Variants in ARAP2 observed in about 807,000 individuals in gnomAD.
The protein encoded by ARAP2 is ArfGAP with RhoGAP domain, ankyrin repeat and PH domain 2.
A neutral mutation model predicts 194.5 loss-of-function variants in ARAP2; 148 were observed. The observed-to-expected ratio is 0.76, with a 90% CI of 0.67 to 0.87. The LOEUF (loss-of-function observed/expected upper bound fraction) is 0.87, where lower values mean the gene tolerates loss of function less well. Among genes scored for constraint, ARAP2 ranks in the 40% least tolerant of loss-of-function variants. The pLI is 0.00. For missense variants in ARAP2, 2,128 were observed against 1,989.7 expected (o/e 1.07, Z -1.32); for synonymous variants, 695 against 683.5 (o/e 1.02, Z -0.26).
chr4:36,009,515 G>A (rs1432547189), intron 9 of ARAP2, among the ~76,000 whole-genome samples: 1 of 152,074 alleles, frequency 6.6e-6, no homozygotes, highest in East Asian at 1.9e-4. Flanking sequence ...GGCAATACAA[G>A]AGGGGGGATA....
chr4:36,193,840 T>G (rs1386866651), intron 6 of ARAP2, among the ~76,000 whole-genome samples, 193 bp from the exon 7 acceptor site: 2 of 152,186 alleles, frequency 1.3e-5, no homozygotes, highest in African/African-American at 4.8e-5. Flanking sequence ...TTCTAATCAG[T>G]TGACCTAGGA....
chr4:36,208,712 C>T (rs1210617884), intron 6 of ARAP2, among the ~76,000 whole-genome samples: 1 of 152,094 alleles, frequency 6.6e-6, no homozygotes, highest in African/African-American at 2.4e-5. Flanking sequence ...GCCAGCTACA[C>T]ATATTTCTTT....
intron 3 of ARAP2, among the ~76,000 whole-genome samples, chr4:36,213,950 G>C (rs528877382): frequency 6.6e-6 from 1 of 152,210 alleles, no homozygotes; most frequent in East Asian, 1.9e-4. Flanking sequence ...CAGTACCCAA[G>C]TGTTTGACAT....
At chr4:36,062,305 G>T, downstream of ARAP2, among the ~76,000 whole-genome samples, 1 of 152,256 alleles carries the variant, frequency 6.6e-6, no homozygotes, top group South Asian at 2.1e-4. Context: ...ATTCAAGACC[G>T]TATTTTCTAC....
chr4:36,202,257 G>A (rs994104508), intron 6 of ARAP2, among the ~76,000 whole-genome samples: 1 of 151,878 alleles, frequency 6.6e-6, no homozygotes, highest in African/African-American at 2.4e-5. Context: ...ACTTTTAAAC[G>A]ATACAGTAAC....
At chr4:36,186,227 A>G (rs542046623) in intron 8 of ARAP2, among the ~76,000 whole-genome samples, 29 of 152,368 alleles carry the variant, frequency 1.9e-4, no homozygotes, top group African/African-American at 7.0e-4. Flanking sequence ...TATCTAAATT[A>G]TTAAAACCAG....
At chr4:36,227,577 C>G (rs1750613113) in intron 2 of ARAP2, among the ~76,000 whole-genome samples, 1 of 152,044 alleles carries the variant, frequency 6.6e-6, no homozygotes, top group Non-Finnish European at 1.5e-5. Context: ...TACCTAAGGC[C>G]AAGAGAATCA....
chr4:36,084,436 A>T (rs1321510293), intron 28 of ARAP2, among the ~76,000 whole-genome samples: 3 of 152,070 alleles, frequency 2.0e-5, no homozygotes, highest in African/African-American at 7.2e-5. Context: ...TTTGGGTCAG[A>T]TTTTGCCACC....
intron 2 of ARAP2, 111 bp downstream of exon 2, chr4:36,228,471 G>T: frequency 8.6e-7 from 1 of 1,166,150 alleles, no homozygotes; most frequent in Non-Finnish European, 1.2e-6. Context: ...TGGTTGAATA[G>T]GTAAATGAAT....
chr4:36,113,537 C>T (rs1560457667), intron 26 of ARAP2, among the ~76,000 whole-genome samples: 1 of 151,880 alleles, frequency 6.6e-6, no homozygotes, highest in Admixed American at 6.6e-5. Context: ...TCCAAAGTGT[C>T]CCAAGACCTT....
intron 19 of ARAP2, among the ~76,000 whole-genome samples, chr4:36,136,820 C>T (rs73809122): frequency 0.029 from 1,257 of 43,796 alleles, 8 homozygotes; most frequent in East Asian, 0.077. Context: ...TGTGTGTGTG[C>T]GTGTCTGTGT....
chr4:36,242,507 T>C (rs1294170401), intron 1 of ARAP2, among the ~76,000 whole-genome samples: 1 of 152,190 alleles, frequency 6.6e-6, no homozygotes, highest in Non-Finnish European at 1.5e-5. Context: ...ATGAAGTCTA[T>C]AACCCAGAAT....
intron 2 of ARAP2, 47 bp downstream of exon 2, chr4:36,228,535 G>T: frequency 6.7e-7 from 1 of 1,496,516 alleles, no homozygotes; most frequent in East Asian, 2.3e-5. Flanking sequence ...AAAAATCACT[G>T]AATTTCCTCA....
intron 5 of ARAP2, among the ~76,000 whole-genome samples, chr4:36,029,444 T>C (rs1041478516): frequency 6.6e-6 from 1 of 152,040 alleles, no homozygotes; most frequent in Non-Finnish European, 1.5e-5. Flanking sequence ...TTCATTTTGT[T>C]ATACATTTGT....
At chr4:36,074,488 A>C (rs1727783334) in intron 31 of ARAP2, among the ~76,000 whole-genome samples, 1 of 152,076 alleles carries the variant, frequency 6.6e-6, no homozygotes. Flanking sequence ...AAATGTTCAC[A>C]GGTAAAAATA....
At chr4:36,138,929 C>T (rs1727515315) in intron 19 of ARAP2, among the ~76,000 whole-genome samples, 1 of 151,650 alleles carries the variant, frequency 6.6e-6, no homozygotes. Context: ...TTCTCTGGTA[C>T]TTAACTTTAC....
At chr4:36,118,902 A>G (rs1722037424) in intron 24 of ARAP2, among the ~76,000 whole-genome samples, 1 of 151,426 alleles carries the variant, frequency 6.6e-6, no homozygotes, top group Non-Finnish European at 1.5e-5. Flanking sequence ...AGTTGTGGAT[A>G]TTTCAGGACT....
chr4:36,111,190 T>C (rs987256361), intron 26 of ARAP2, among the ~76,000 whole-genome samples: 1 of 152,006 alleles, frequency 6.6e-6, no homozygotes, highest in Admixed American at 6.6e-5. Context: ...GGAGGATTTA[T>C]GTTTACATTA....
At chr4:36,051,518 A>C (rs1722670897) in intron 3 of ARAP2, among the ~76,000 whole-genome samples, 1 of 151,856 alleles carries the variant, frequency 6.6e-6, no homozygotes, top group African/African-American at 2.4e-5. Flanking sequence ...AATAATAATA[A>C]ATAAATACAT....
Sources: gnomAD v4.1 joint callset for allele counts (sites outside exome capture counted in the v4.1 genomes callset) on GRCh38, gnomAD v4.1.1 for gene constraint, MANE v1.5 for transcripts, NCBI Gene and HGNC (gene_info 2026-07-23, HGNC 2026-07-21) for gene names.